The following GPR78 variants were observed in gnomAD, a reference collection of about 807,000 sequenced individuals.
GPR78 encodes the protein G protein-coupled receptor 78.
Under a neutral mutation model 17.9 loss-of-function variants are expected in GPR78, and 29 were observed. The observed-to-expected ratio is 1.62, with a 90% CI of 1.20 to 2.21. The LOEUF (loss-of-function observed/expected upper bound fraction) is 2.21. GPR78 is among the 30% of genes most tolerant of loss of function. The pLI is 0.00. For missense variants in GPR78, 649 were observed against 530.5 expected (o/e 1.22, Z -2.19); for synonymous variants, 349 against 256.9 (o/e 1.36, Z -3.43).
chr4:8,582,476 C>G, intron 1 of GPR78, 55 bp from the exon 2 acceptor site: 1 of 1,245,384 alleles, frequency 8.0e-7, no homozygotes, highest in Non-Finnish European at 1.2e-6. Context: ...GGCTCTGGGC[C>G]TGGGTTCTGT....
In GPR78 at chr4:8,587,678, CT is replaced by C. The variant is rs1713571245; in HGVS notation, c.*316del. The C allele has an allele frequency of 1.5e-5, 7 of 464,866 alleles. No individual in the cohort carries two copies. The South Asian group carries it at 1.8e-4, about 12-fold the overall frequency. 28.8% of individuals were successfully genotyped at this position (464,866 alleles called of 1,614,324 possible). Reference sequence around the variant, plus strand: ...TCGAGACAGTGGGTAGGGAAGTGCCCTGTGTGGCATATGGTACTCGTGGGCG... The same window carrying C: ...TCGAGACAGTGGGTAGGGAAGTGCCCGTGTGGCATATGGTACTCGTGGGCG... On this transcript the variant is annotated 3_prime_UTR_variant, in exon 3 of 3. Coordinates refer to ENST00000382487, the MANE Select transcript of GPR78 (RefSeq NM_080819.5).
At position 8,581,190 on chromosome 4, in the gene GPR78, G is replaced by T. The variant is rs146185925; in HGVS notation, c.208G>T (p.Gly70Trp). The change falls in exon 1 of 3, where the codon GGG (glycine) becomes TGG (tryptophan). Residue 70 changes from glycine to tryptophan, a missense_variant. Transcript: ENST00000382487. The stretch of plus-strand genomic sequence containing the variant: ...CTTCACGCTGCTCGGTGTGATGCGC[G>T]GGCGGACACCGTCGGCGCCCGGCGC... ...MPFTLLGVMR[G>W]RTPSAPGACQ... The T allele has an allele frequency of 1.9e-6, 3 of 1,601,968 alleles. No individual in the cohort carries two copies. Among genetic ancestry groups the T allele is most frequent in the Non-Finnish European group, 2.5e-6 (3 of 1,178,826 alleles).
At chr4:8,582,480 G>A in intron 1 of GPR78, 51 bp from the exon 2 acceptor site, 2 of 1,301,070 alleles carry the variant, frequency 1.5e-6, no homozygotes, top group South Asian at 1.2e-5. Context: ...CTGGGCCTGG[G>A]TTCTGTCCCC....
chr4:8,588,596 T>C lies in GPR78; in HGVS notation c.*1233T>C, dbSNP rs10938725. 0.26 allele frequency among the ~76,000 whole-genome samples: 39,398 copies of C among 152,116 alleles called. 5,561 individuals are homozygous for C. The highest frequency in any genetic ancestry group is 0.44 in the East Asian group (2,268 of 5,150). On this transcript the variant is annotated 3_prime_UTR_variant, in exon 3 of 3. Transcript: ENST00000382487. ...GGCCCAGGGCCATCCCCTGCAGAGG[T>C]AGGGTGGGCTGCAAGACCTCAGGCC...
At chr4:8,585,372 C>T (rs181596727) in intron 2 of GPR78, among the ~76,000 whole-genome samples, 1 of 152,318 alleles carries the variant, frequency 6.6e-6, no homozygotes, top group African/African-American at 2.4e-5. Context: ...AGGGGATAGA[C>T]ACTCTGGCAT....
chr4:8,586,020 G>T (rs1197238676), intron 2 of GPR78, among the ~76,000 whole-genome samples: 1 of 152,218 alleles, frequency 6.6e-6, no homozygotes, highest in Non-Finnish European at 1.5e-5. Context: ...GAAAGCCCTG[G>T]CCTTTGGGGG....
rs1223852819 is a variant in GPR78 at position 8,580,788 on chromosome 4, C to T, written c.-195C>T. 2.3e-5 allele frequency: 14 copies of T among 605,706 alleles called. No homozygotes were observed. Among genetic ancestry groups the T allele is most frequent in the Non-Finnish European group, 3.4e-5 (12 of 355,124 alleles). 37.5% of individuals were successfully genotyped at this position (605,706 alleles called of 1,614,324 possible). ...GGGCTGCTCCTGCTCCGCAGAGCTA[C>T]GCCCTCCCCCCGGGTGCCCCGGACC... On this transcript the variant is annotated 5_prime_UTR_variant, in exon 1 of 3. The change creates a new upstream start codon in the 5' untranslated region. Transcript: ENST00000382487.
intron 2 of GPR78, among the ~76,000 whole-genome samples, chr4:8,583,407 C>T (rs1713375217): frequency 6.6e-6 from 1 of 152,136 alleles, no homozygotes; most frequent in Non-Finnish European, 1.5e-5. Context: ...CTGGCCAGGC[C>T]CCTGAAGCGC....
In GPR78 at chr4:8,581,193, C is replaced by A; in HGVS notation, c.211C>A (p.Arg71=). ...CACGCTGCTCGGTGTGATGCGCGGG[C>A]GGACACCGTCGGCGCCCGGCGCATG... is the stretch of plus-strand genomic sequence containing the variant. The part of the protein sequence containing the change: ...PFTLLGVMRG[R]TPSAPGACQV... Residue 71 remains arginine (R), a synonymous_variant, in exon 1 of 3, where the codon CGG becomes AGG. Transcript: ENST00000382487. The A allele has an allele frequency of 6.2e-7, 1 of 1,601,038 alleles. No homozygotes were observed. The highest frequency in any genetic ancestry group is 2.2e-5 in the East Asian group (1 of 44,798).
At chr4:8,584,487 C>T (rs571568148) in intron 2 of GPR78, among the ~76,000 whole-genome samples, 3 of 146,072 alleles carry the variant, frequency 2.1e-5, no homozygotes, top group African/African-American at 5.1e-5. Context: ...CATGCACTCA[C>T]TAAGCATTTA....
At chr4:8,585,546 G>T (rs1713469729) in intron 2 of GPR78, among the ~76,000 whole-genome samples, 1 of 152,164 alleles carries the variant, frequency 6.6e-6, no homozygotes, top group African/African-American at 2.4e-5. Context: ...ATGTGGGGGT[G>T]ACAGTGTACC....
At chr4:8,584,703 C>T (rs1301475467) in intron 2 of GPR78, among the ~76,000 whole-genome samples, 3 of 152,222 alleles carry the variant, frequency 2.0e-5, no homozygotes, top group Non-Finnish European at 4.4e-5. Flanking sequence ...AGGCGCCTCT[C>T]ACATCATAGG....
intron 1 of GPR78, among the ~76,000 whole-genome samples, chr4:8,581,969 C>T (rs1487711020): frequency 6.6e-6 from 1 of 152,162 alleles, no homozygotes; most frequent in East Asian, 1.9e-4. Context: ...GGCTGTGGGT[C>T]TGAGGCATCT....
chr4:8,585,199 G>C (rs1713455766), intron 2 of GPR78, among the ~76,000 whole-genome samples: 2 of 152,184 alleles, frequency 1.3e-5, no homozygotes, highest in East Asian at 1.9e-4. Context: ...AGGGCAGATG[G>C]CTACGGTCAC....
Position 8,588,864 on chromosome 4 carries a change from T to C in GPR78, c.*1501T>C, listed in dbSNP as rs1560283859. On this transcript the variant is annotated 3_prime_UTR_variant, in exon 3 of 3. Transcript: ENST00000382487. ...TCCCCAAAAACACAGGTGTTATTATTATACTTTTAAAAAACTTTTTGAGAC... is the reference window on the plus strand; with the variant it reads ...TCCCCAAAAACACAGGTGTTATTATCATACTTTTAAAAAACTTTTTGAGAC... Among the ~76,000 whole-genome samples the C allele has an allele frequency of 6.6e-6, 1 of 152,216 alleles. No individual in the cohort carries two copies. Among genetic ancestry groups the C allele is most frequent in the Non-Finnish European group, 1.5e-5 (1 of 68,048 alleles).
rs572577213 is a variant in GPR78, at chr4:8,582,257, A to C, written c.669-274A>C. ...GCCCCAGCCTTGCCCCTCCATCAGC[A>C]GCCTGCCTCAGTTGCCTCTGTGTGG... is the stretch of plus-strand genomic sequence containing the variant. On this transcript the variant is annotated intron_variant, in intron 1 of 2. Transcript: ENST00000382487. 3.6e-3 allele frequency among the ~76,000 whole-genome samples: 541 copies of C among 152,240 alleles called. 2 individuals are homozygous for C. The highest frequency in any genetic ancestry group is 5.4e-3 in the Non-Finnish European group (366 of 68,000).
intron 2 of GPR78, among the ~76,000 whole-genome samples, chr4:8,584,351 T>G (rs956364084): frequency 2.0e-5 from 3 of 152,240 alleles, no homozygotes; most frequent in Non-Finnish European, 4.4e-5. Flanking sequence ...AACAAAGTCA[T>G]GAAGCCTGCC....
chr4:8,587,218 C>A lies in GPR78; in HGVS notation c.947C>A (p.Thr316Asn), dbSNP rs750388973. The change falls in exon 3 of 3, where the codon ACC becomes AAC. Residue 316 changes from threonine to asparagine, a missense_variant. Thr to Asn is a moderately conservative substitution (Grantham distance 65). Coordinates refer to ENST00000382487, the MANE Select transcript of GPR78 (RefSeq NM_080819.5). ...ATGGTGCACCGGCTGCTGAAGAGAA[C>A]CCCGCGCCCAGCATCCACCCATGAC... ...AGMVHRLLKR[T>N]PRPASTHDSS... is the part of the protein sequence containing the mutation. 5.6e-6 allele frequency: 9 copies of A among 1,610,658 alleles called. No individual in the cohort carries two copies. Among genetic ancestry groups the A allele is most frequent in the African/African-American group, 2.7e-5 (2 of 74,924 alleles).
Position 8,581,391 on chromosome 4 carries a change from T to C in GPR78, c.409T>C (p.Phe137Leu). ...CTGTGCCTGGGGACAGTCGCTGGCC[T>C]TCTCAGGCGCTGCACTTGGCTGCTC... ...LGCAWGQSLA[F>L]SGAALGCSWL... The change falls in exon 1 of 3, where the codon TTC (phenylalanine) becomes CTC (leucine). Residue 137 changes from phenylalanine (F) to leucine (L), a missense_variant. Transcript: ENST00000382487. 6.3e-7 allele frequency: 1 copy of C among 1,585,208 alleles called. No individual in the cohort carries two copies. The highest frequency in any genetic ancestry group is 8.5e-7 in the Non-Finnish European group (1 of 1,171,142).
Sources: gnomAD v4.1 joint callset for allele counts (sites outside exome capture counted in the v4.1 genomes callset) on GRCh38, gnomAD v4.1.1 for gene constraint, MANE v1.5 for transcripts, NCBI Gene and HGNC (gene_info 2026-07-23, HGNC 2026-07-21) for gene names.